CDC73: variants seen among roughly 807,000 people sequenced by gnomAD.
CDC73 encodes parafibromin.
Under a neutral mutation model 83.7 loss-of-function variants are expected in CDC73, and 21 were observed. The ratio of observed to expected loss-of-function variants is 0.25; its 90% CI spans 0.18 to 0.36. The LOEUF is 0.36. Among genes scored for constraint, CDC73 ranks in the 10% least tolerant of loss-of-function variants. The probability of loss-of-function intolerance (pLI) is 1.00; values close to 1 mark genes in which losing one functional copy is unlikely to be tolerated. For missense variants in CDC73, 342 were observed against 653.3 expected, an observed-to-expected ratio of 0.52 and a Z score of 5.19; for synonymous variants, 224 against 212.9, an observed-to-expected ratio of 1.05 and a Z score of -0.45.
chr1:193,181,211 C>T (rs1381302783), intron 10 of CDC73: 4 of 1,613,866 alleles, frequency 2.5e-6, no homozygotes, highest in Non-Finnish European at 3.4e-6. Flanking sequence ...CTTCCATTGG[C>T]ACTAAGTGTA....
intron 10 of CDC73, chr1:193,181,320 G>A (rs1676711818): frequency 6.2e-7 from 1 of 1,613,936 alleles, no homozygotes; most frequent in African/African-American, 1.3e-5. Flanking sequence ...CTTTCCAAAT[G>A]TTCCGAAGGG....
intron 10 of CDC73, among the ~76,000 whole-genome samples, chr1:193,199,629 C>G (rs530112055): frequency 4.7e-5 from 7 of 149,458 alleles, no homozygotes; most frequent in Admixed American, 2.7e-4. Context: ...AGGAGACTCT[C>G]GAGCTTGGGA....
intron 1 of CDC73, among the ~76,000 whole-genome samples, chr1:193,124,269 TTGTA>T (rs1272106987): frequency 6.6e-6 from 1 of 152,244 alleles, no homozygotes; most frequent in Non-Finnish European, 1.5e-5. Flanking sequence ...ACTCTTCTTA[TTGTA>T]TGCAGTGCAT....
Position 193,251,425 on chromosome 1 carries a change from A to G in CDC73, c.*713A>G. ...AAATCTCAAAACACAGATTAAAACC[A>G]CAATAGGCTGTAGTATTTTTTATTT... On this transcript the variant is annotated 3_prime_UTR_variant, in exon 17 of 17. Transcript: ENST00000367435. 4.3e-6 allele frequency: 1 copy of G among 232,096 alleles called. No individual in the cohort carries two copies. The highest frequency in any genetic ancestry group is 8.5e-6 in the Non-Finnish European group (1 of 116,990). The allele number at this position is 232,096 out of a possible 1,614,324, so 14.4% of individuals were successfully genotyped here.
chr1:193,127,289 A>AATGTGTGTG (rs1553277969), intron 2 of CDC73, among the ~76,000 whole-genome samples: 1 of 143,188 alleles, frequency 7.0e-6, no homozygotes, highest in Non-Finnish European at 1.5e-5. Flanking sequence ...AAAAAAAAAA[A>AATGTGTGTG]TGTGTGTGTG....
chr1:193,164,222 A>G (rs1425596986), intron 10 of CDC73, among the ~76,000 whole-genome samples: 2 of 152,236 alleles, frequency 1.3e-5, no homozygotes, highest in African/African-American at 4.8e-5. Flanking sequence ...TTCAGTCAAC[A>G]TATTTTCTGT....
At chr1:193,158,306 C>G (rs1242910796) in intron 10 of CDC73, among the ~76,000 whole-genome samples, 1 of 151,806 alleles carries the variant, frequency 6.6e-6, no homozygotes, top group Non-Finnish European at 1.5e-5. Flanking sequence ...CTAGGTTGGC[C>G]TTTTCCATCC....
chr1:193,232,784 T>C (rs1191929733), intron 13 of CDC73, among the ~76,000 whole-genome samples: 3 of 151,892 alleles, frequency 2.0e-5, no homozygotes, highest in African/African-American at 7.3e-5. Context: ...TCACCTGTAA[T>C]CTCAGCAACT....
chr1:193,162,203 ATAAT>A lies in CDC73; in HGVS notation c.972+9760_972+9763del, dbSNP rs1304730965. On this transcript the variant is annotated intron_variant, in intron 10 of 16. Transcript: ENST00000367435. ...TTATATATTATCTATTATATTGTAT[ATAAT>A]ATATATTATATATTATCTATTATAT... is the stretch of plus-strand genomic sequence containing the variant. Among the ~76,000 whole-genome samples, 12 of 100,842 alleles carry A rather than the reference ATAAT, an allele frequency of 1.2e-4. No homozygotes were observed. In the East Asian group the frequency reaches 1.5e-3, roughly 13 times the overall value. 66.2% of individuals were successfully genotyped at this position (100,842 alleles called of 152,430 possible).
chr1:193,240,562 T>TGATA (rs1677839915), intron 15 of CDC73, among the ~76,000 whole-genome samples: 1 of 152,216 alleles, frequency 6.6e-6, no homozygotes, highest in Non-Finnish European at 1.5e-5. Context: ...TGGGGTAAGA[T>TGATA]GATATTTCAT....
intron 3 of CDC73, 56 bp downstream of exon 3, chr1:193,130,299 CT>C: frequency 9.3e-7 from 1 of 1,071,266 alleles, no homozygotes; most frequent in Non-Finnish European, 1.5e-6. Flanking sequence ...CTTTTTTCCC[CT>C]ATGAAATAAT....
intron 15 of CDC73, among the ~76,000 whole-genome samples, chr1:193,245,556 T>C (rs1469389690): frequency 6.6e-6 from 1 of 152,180 alleles, no homozygotes; most frequent in Admixed American, 6.6e-5. Context: ...TACATATCTT[T>C]GCTGTTGTTA....
chr1:193,204,963 C>T (rs1677161450), intron 11 of CDC73, among the ~76,000 whole-genome samples: 1 of 151,998 alleles, frequency 6.6e-6, no homozygotes, highest in Non-Finnish European at 1.5e-5. Context: ...TGTTGAACAC[C>T]TAAAATTCTG....
intron 10 of CDC73, among the ~76,000 whole-genome samples, chr1:193,197,525 C>T (rs753261559): frequency 3.9e-5 from 6 of 152,072 alleles, no homozygotes; most frequent in South Asian, 4.2e-4. Context: ...TATTTATTAT[C>T]GAGCTCCTTC....
intron 10 of CDC73, chr1:193,181,323 C>G: frequency 1.2e-6 from 2 of 1,613,996 alleles, no homozygotes; most frequent in East Asian, 2.2e-5. Context: ...TCCAAATGTT[C>G]CGAAGGGAGC....
At chr1:193,182,943 T>TA (rs1252951209) in intron 10 of CDC73, among the ~76,000 whole-genome samples, 2 of 152,040 alleles carry the variant, frequency 1.3e-5, no homozygotes, top group Non-Finnish European at 2.9e-5. Context: ...AGAAATCAAT[T>TA]AAAAAGTTTT....
intron 10 of CDC73, among the ~76,000 whole-genome samples, chr1:193,162,693 A>G (rs1485441520): frequency 6.6e-6 from 1 of 152,092 alleles, no homozygotes; most frequent in Non-Finnish European, 1.5e-5. Context: ...ACACATTACA[A>G]TTAAAATTGA....
Position 193,241,113 on chromosome 1 carries a change from A to G in CDC73, c.1417+4757A>G, listed in dbSNP as rs187738422. Among the ~76,000 whole-genome samples, 4 of 152,256 alleles carry G rather than the reference A, an allele frequency of 2.6e-5. No individual in the cohort carries two copies. The East Asian group carries it at 5.8e-4, about 22-fold the overall frequency. On this transcript the variant is annotated intron_variant, in intron 15 of 16. Transcript: ENST00000367435. ...TCTGTTTCTTGTGTCCTATGTTGAT[A>G]TCTGCACATCTGGTATAAACATTGC...
chr1:193,243,472 T>A (rs991094960), intron 15 of CDC73, among the ~76,000 whole-genome samples: 10 of 152,142 alleles, frequency 6.6e-5, no homozygotes, highest in African/African-American at 2.4e-4. Context: ...GAAAAATAAA[T>A]ATCAATAAAG....
Sources: gnomAD v4.1 joint callset for allele counts (sites outside exome capture counted in the v4.1 genomes callset) on GRCh38, gnomAD v4.1.1 for gene constraint, MANE v1.5 for transcripts, NCBI Gene and HGNC (gene_info 2026-07-23, HGNC 2026-07-21) for gene names.